The following ATG14 variants were observed in gnomAD, a reference collection of about 807,000 sequenced individuals.
ATG14 encodes beclin 1-associated autophagy-related key regulator.
In ATG14, 35 loss-of-function variants were observed where a neutral mutation model predicts 60.4. The observed-to-expected ratio is 0.58, with a 90% CI of 0.44 to 0.77. The LOEUF (loss-of-function observed/expected upper bound fraction) is 0.77. Among genes scored for constraint, ATG14 ranks in the 30% least tolerant of loss-of-function variants. The pLI is 0.00. For synonymous variants in ATG14, 234 were observed against 228.8 expected, an observed-to-expected ratio of 1.02 and a Z score of -0.21; for missense variants, 647 against 626.3, an observed-to-expected ratio of 1.03 and a Z score of -0.35.
intron 9 of ATG14, among the ~76,000 whole-genome samples, chr14:55,376,043 C>G (rs72717738): frequency 0.3 from 45,122 of 152,048 alleles, 7,066 homozygotes; most frequent in Non-Finnish European, 0.34. Context: ...GTTTTTTCTT[C>G]TTTAATCTGT....
At chr14:55,385,016 C>T (rs1333447455) in intron 5 of ATG14, among the ~76,000 whole-genome samples, 2 of 152,196 alleles carry the variant, frequency 1.3e-5, no homozygotes, top group East Asian at 1.9e-4. Flanking sequence ...CATGCACTAC[C>T]GCCTAAGACC....
At chr14:55,376,973 T>C (rs184690699) in intron 9 of ATG14, among the ~76,000 whole-genome samples, 1 of 152,292 alleles carries the variant, frequency 6.6e-6, no homozygotes, top group East Asian at 1.9e-4. Flanking sequence ...TTTAAGCTCA[T>C]TGATTTCAAA....
intron 1 of ATG14, among the ~76,000 whole-genome samples, chr14:55,409,305 G>C (rs1434134880): frequency 5.3e-5 from 8 of 152,186 alleles, no homozygotes; most frequent in Non-Finnish European, 1.2e-4. Context: ...AAGAGGGACA[G>C]AGTCAGTTCA....
rs1884740282 is a variant in ATG14, at chr14:55,368,658, C to T, written c.*961G>A. The T allele has an allele frequency of 6.6e-6, 1 of 152,252 alleles. No homozygotes were observed. The highest frequency in any genetic ancestry group is 2.4e-5 in the African/African-American group (1 of 41,540). The allele number at this position is 152,252 out of a possible 1,614,324, so 9.4% of individuals were successfully genotyped here. On this transcript the variant is annotated 3_prime_UTR_variant, in exon 10 of 10. Transcript: ENST00000247178. ...TCGGGGAAACAAGTAGGATGGTTTC[C>T]CCTGAAAACACCTGCCACCTACTCA...
Position 55,380,629 on chromosome 14 carries a change from C to G in ATG14, c.939G>C (p.Leu313=). The G allele has an allele frequency of 6.2e-7, 1 of 1,613,230 alleles. No homozygotes were observed. The highest frequency in any genetic ancestry group is 2.2e-5 in the East Asian group (1 of 44,842). ...CAAGTATATGAGACAGAATGTTGAC[C>G]AGCTGAGTTGCATAGCACAGCGCAG... ...ISAALCYATQ[L]VNILSHILDV... The change falls in exon 7 of 10, where the codon CTG becomes CTC. Residue 313 remains leucine, a synonymous_variant. Coordinates refer to ENST00000247178, the MANE Select transcript of ATG14 (RefSeq NM_014924.5).
intron 1 of ATG14, among the ~76,000 whole-genome samples, chr14:55,408,498 G>A (rs554527191): frequency 1.3e-5 from 2 of 152,048 alleles, no homozygotes; most frequent in African/African-American, 2.4e-5. Context: ...GCAGCCAGGC[G>A]TGGTGGCTCA....
At chr14:55,375,330 A>C (rs1014499593) in intron 9 of ATG14, among the ~76,000 whole-genome samples, 2 of 151,968 alleles carry the variant, frequency 1.3e-5, no homozygotes. Context: ...TTGTATGTTT[A>C]TCTTTTTCTT....
intron 9 of ATG14, among the ~76,000 whole-genome samples, chr14:55,370,402 TCAC>T (rs35577968): frequency 0.26 from 40,107 of 151,998 alleles, 5,908 homozygotes; most frequent in Non-Finnish European, 0.32. Flanking sequence ...TTTAAAAATA[TCAC>T]CACAATTTTC....
intron 9 of ATG14, among the ~76,000 whole-genome samples, chr14:55,370,662 G>C (rs1410625288): frequency 6.6e-6 from 1 of 151,142 alleles, no homozygotes; most frequent in East Asian, 1.9e-4. Context: ...TTTTTATTTA[G>C]ACAGAGTCTC....
intron 1 of ATG14, among the ~76,000 whole-genome samples, chr14:55,410,317 T>TTTA (rs1349048612): frequency 1.3e-5 from 2 of 152,214 alleles, no homozygotes; most frequent in African/African-American, 4.8e-5. Flanking sequence ...GTATTTAAAT[T>TTTA]ATGTGAATAG....
At position 55,411,779 on chromosome 14, in the gene ATG14, G is replaced by C. The variant is rs1287686066; in HGVS notation, c.44C>G (p.Pro15Arg). The change falls in exon 1 of 10, where the codon CCT becomes CGT. Residue 15 changes from proline (P) to arginine (R), a missense_variant. Physicochemically the swap from Pro to Arg is moderately radical, Grantham distance 103. Transcript: ENST00000247178. ...SGKGARALEAPGCGPRPLARD... is the reference protein window; with the variant it reads ...SGKGARALEARGCGPRPLARD... Reference sequence around the variant, plus strand: ...GGCGAGCGGCCGGGGCCCGCAGCCAGGAGCCTCCAGCGCCCGGGCTCCCTT... The same window carrying C: ...GGCGAGCGGCCGGGGCCCGCAGCCACGAGCCTCCAGCGCCCGGGCTCCCTT... 6.2e-7 allele frequency: 1 copy of C among 1,604,312 alleles called. No homozygotes were observed. The highest frequency in any genetic ancestry group is 1.3e-5 in the African/African-American group (1 of 74,816).
At chr14:55,411,513 C>T (rs903039226) in intron 1 of ATG14, 89 bp downstream of exon 1, 32 of 1,309,550 alleles carry the variant, frequency 2.4e-5, no homozygotes, top group Admixed American at 1.4e-4. Context: ...ATCTGGTGCC[C>T]GGACGGGGAG....
intron 5 of ATG14, among the ~76,000 whole-genome samples, chr14:55,384,924 G>A (rs1201561062): frequency 6.6e-6 from 1 of 152,180 alleles, no homozygotes; most frequent in Non-Finnish European, 1.5e-5. Context: ...GAGGTTGGAG[G>A]GGTGCCCTCT....
intron 3 of ATG14, among the ~76,000 whole-genome samples, chr14:55,394,134 G>A (rs1885272392): frequency 6.6e-6 from 1 of 151,676 alleles, no homozygotes; most frequent in Non-Finnish European, 1.5e-5. Context: ...AGCCTCCTGA[G>A]TAGCTGGGAT....
intron 1 of ATG14, among the ~76,000 whole-genome samples, chr14:55,409,438 T>C (rs1885537435): frequency 6.6e-6 from 1 of 151,606 alleles, no homozygotes; most frequent in Non-Finnish European, 1.5e-5. Flanking sequence ...CAAATTAATA[T>C]GTACAACCAT....
intron 1 of ATG14, among the ~76,000 whole-genome samples, chr14:55,408,508 A>G (rs952214859): frequency 6.6e-6 from 1 of 152,120 alleles, no homozygotes; most frequent in Non-Finnish European, 1.5e-5. Flanking sequence ...GTGGTGGCTC[A>G]TATCTGTAAT....
At chr14:55,372,018 C>T (rs367713011) in intron 9 of ATG14, among the ~76,000 whole-genome samples, 1 of 152,098 alleles carries the variant, frequency 6.6e-6, no homozygotes, top group East Asian at 1.9e-4. Flanking sequence ...CATTTCTTTT[C>T]TCCCCTTTTT....
chr14:55,389,839 G>A (rs1487903813), intron 4 of ATG14, among the ~76,000 whole-genome samples: 1 of 152,210 alleles, frequency 6.6e-6, no homozygotes, highest in Non-Finnish European at 1.5e-5. Flanking sequence ...CAAATGGGAA[G>A]TGGCTTAAGG....
In ATG14 at chr14:55,367,450, AACCCATAAGGGGC is replaced by A; in HGVS notation, c.*2156_*2168del. 1 of 152,236 alleles carries A rather than the reference AACCCATAAGGGGC, an allele frequency of 6.6e-6. No homozygotes were observed. The highest frequency in any genetic ancestry group is 1.5e-5 in the Non-Finnish European group (1 of 68,068). 9.4% of individuals were successfully genotyped at this position (152,236 alleles called of 1,614,324 possible). A position where few individuals can be genotyped will look rare whatever the true frequency, so the allele number is the denominator to read the frequency against. ...AACAGAGATCCCAGCAGTGTAGAAG[AACCCATAAGGGGC>A]CGGGCGCGGTGGCTCAGGCCTGTAA... On this transcript the variant is annotated 3_prime_UTR_variant, in exon 10 of 10. Coordinates refer to ENST00000247178, the MANE Select transcript of ATG14 (RefSeq NM_014924.5).
Sources: gnomAD v4.1 joint callset for allele counts (sites outside exome capture counted in the v4.1 genomes callset) on GRCh38, gnomAD v4.1.1 for gene constraint, MANE v1.5 for transcripts, NCBI Gene and HGNC (gene_info 2026-07-23, HGNC 2026-07-21) for gene names.